FGL1: variants seen among roughly 807,000 people sequenced by gnomAD.
The protein encoded by FGL1 is fibrinogen-like protein 1.
A neutral mutation model predicts 43.7 loss-of-function variants in FGL1; 59 were observed. The observed-to-expected ratio is 1.35, with a 90% CI of 1.10 to 1.68. The LOEUF (loss-of-function observed/expected upper bound fraction) is 1.68. Among genes scored for constraint, FGL1 ranks in the 40% most tolerant of loss-of-function variants. The probability of loss-of-function intolerance (pLI) is 0.00; values close to 1 mark genes in which losing one functional copy is unlikely to be tolerated. For synonymous variants in FGL1, 192 were observed against 126.5 expected, an observed-to-expected ratio of 1.52 and a Z score of -3.48; for missense variants, 596 against 373.0, an observed-to-expected ratio of 1.60 and a Z score of -4.92.
intron 5 of FGL1, 75 bp from the exon 6 acceptor site, chr8:17,869,079 T>G: frequency 1.1e-6 from 1 of 874,668 alleles, no homozygotes; most frequent in Non-Finnish European, 1.8e-6. Context: ...TAAAAATAAT[T>G]CACAGCTCTA....
chr8:17,865,534 T>C (rs1307071627), intron 7 of FGL1, among the ~76,000 whole-genome samples: 1 of 152,142 alleles, frequency 6.6e-6, no homozygotes, highest in East Asian at 1.9e-4. Flanking sequence ...AATAATCATT[T>C]TTTCCTAGTT....
intron 1 of FGL1, among the ~76,000 whole-genome samples, chr8:17,892,119 A>G (rs990885466): frequency 2.0e-5 from 3 of 152,284 alleles, no homozygotes; most frequent in South Asian, 2.1e-4. Flanking sequence ...GTTGCTTTTT[A>G]AATTTGTACC....
chr8:17,885,679 C>G, intron 1 of FGL1, 108 bp from the exon 2 acceptor site: 1 of 833,756 alleles, frequency 1.2e-6, no homozygotes, highest in Non-Finnish European at 1.9e-6. Flanking sequence ...GCAGGCCATC[C>G]CTAATCTTAG....
intron 3 of FGL1, among the ~76,000 whole-genome samples, chr8:17,879,022 T>C (rs2053496977): frequency 9.6e-6 from 1 of 104,256 alleles, no homozygotes. Flanking sequence ...TAAAGAACAA[T>C]TGAACTGTGT....
intron 3 of FGL1, among the ~76,000 whole-genome samples, chr8:17,881,520 G>A (rs1303996034): frequency 6.6e-6 from 1 of 151,098 alleles, no homozygotes; most frequent in East Asian, 2.0e-4. Flanking sequence ...CACATTAAAT[G>A]CCCTGGCAGA....
chr8:17,871,859 T>A (rs1488609832), intron 5 of FGL1, among the ~76,000 whole-genome samples: 1 of 152,200 alleles, frequency 6.6e-6, no homozygotes, highest in East Asian at 1.9e-4. Context: ...GGAACAGGTT[T>A]GTTGGCAAAG....
At chr8:17,872,541 G>T (rs908753065) in intron 5 of FGL1, among the ~76,000 whole-genome samples, 25 of 151,964 alleles carry the variant, frequency 1.6e-4, no homozygotes, top group African/African-American at 6.0e-4. Context: ...GGCCCCAAGG[G>T]GTCCACCCAC....
Position 17,885,521 on chromosome 8 carries a change from T to C in FGL1, c.34A>G (p.Thr12Ala), listed in dbSNP as rs61745168. Residue 12 changes from threonine (T) to alanine (A), a missense_variant, in exon 2 of 8, where the codon ACC (threonine) becomes GCC (alanine). Transcript: ENST00000427924. ...ATTTCCCTGCCCATTGTCAGAGCGG[T>C]GGTAACAAGGATGAAACTGAACACC... ...AKVFSFILVTTALTMGREISA... is the reference protein window; with the variant it reads ...AKVFSFILVTAALTMGREISA... 6.2e-7 allele frequency: 1 copy of C among 1,613,722 alleles called. No homozygotes were observed. Among genetic ancestry groups the C allele is most frequent in the Non-Finnish European group, 8.5e-7 (1 of 1,179,740 alleles).
At chr8:17,888,891 G>C (rs922567292) in intron 1 of FGL1, among the ~76,000 whole-genome samples, 16 of 152,214 alleles carry the variant, frequency 1.1e-4, no homozygotes, top group African/African-American at 3.6e-4. Context: ...AAATTGAATG[G>C]ATTCTAGTCC....
rs1416245747 is a variant in FGL1 at position 17,882,879 on chromosome 8, T to A, written c.64-700A>T. Among the ~76,000 whole-genome samples, 167 of 98,766 alleles carry A rather than the reference T, an allele frequency of 1.7e-3. 2 individuals carry two copies. Among genetic ancestry groups the A allele is most frequent in the African/African-American group, 8.9e-3 (159 of 17,930 alleles). The allele number at this position is 98,766 out of a possible 152,430, so 64.8% of individuals were successfully genotyped here. A position where few individuals can be genotyped will look rare whatever the true frequency, so the allele number is the denominator to read the frequency against. On this transcript the variant is annotated intron_variant, in intron 2 of 7. Coordinates refer to ENST00000427924, the MANE Select transcript of FGL1 (RefSeq NM_004467.4). ...ATCATATATAATATATTAAATAATA[T>A]ATAATATATCTCATATATAATATAT...
intron 6 of FGL1, 45 bp downstream of exon 6, chr8:17,868,871 T>G (rs2053313214): frequency 6.0e-6 from 9 of 1,497,648 alleles, no homozygotes; most frequent in Non-Finnish European, 8.2e-6. Context: ...TATTGCACAT[T>G]TTAAGCATTT....
intron 2 of FGL1, among the ~76,000 whole-genome samples, chr8:17,884,035 TCTC>T (rs1396013545): frequency 4.3e-5 from 6 of 140,602 alleles, no homozygotes; most frequent in Non-Finnish European, 9.2e-5. Context: ...ATGATTTCTT[TCTC>T]CTCTTCTTTT....
intron 5 of FGL1, among the ~76,000 whole-genome samples, chr8:17,870,146 T>C (rs1374678694): frequency 6.6e-6 from 1 of 152,036 alleles, no homozygotes; most frequent in Non-Finnish European, 1.5e-5. Context: ...GAATACAATG[T>C]ATTGGGTACA....
At chr8:17,876,324 T>G (rs778824924) in intron 3 of FGL1, among the ~76,000 whole-genome samples, 4 of 152,058 alleles carry the variant, frequency 2.6e-5, no homozygotes, top group Non-Finnish European at 4.4e-5. Flanking sequence ...ATATTGCACA[T>G]TAAGTAGGTG....
chr8:17,885,666 G>T, intron 1 of FGL1, 95 bp from the exon 2 acceptor site: 2 of 950,056 alleles, frequency 2.1e-6, no homozygotes, highest in Non-Finnish European at 3.2e-6. Context: ...GTCGGATGCA[G>T]CCGCAGGCCA....
intron 5 of FGL1, among the ~76,000 whole-genome samples, chr8:17,869,601 C>T (rs978047054): frequency 6.6e-6 from 1 of 152,112 alleles, no homozygotes; most frequent in African/African-American, 2.4e-5. Flanking sequence ...GATACTGGCT[C>T]ATAAGATCAA....
At chr8:17,866,884 A>G (rs1028987640) in intron 7 of FGL1, among the ~76,000 whole-genome samples, 3 of 152,200 alleles carry the variant, frequency 2.0e-5, no homozygotes, top group Non-Finnish European at 4.4e-5. Flanking sequence ...TAGAAGAACA[A>G]GGGGGAAAGA....
chr8:17,866,391 A>C (rs2053270135), intron 7 of FGL1, among the ~76,000 whole-genome samples: 1 of 152,230 alleles, frequency 6.6e-6, no homozygotes, highest in Non-Finnish European at 1.5e-5. Flanking sequence ...ATGAAGTGCC[A>C]ACATTTCATG....
intron 1 of FGL1, among the ~76,000 whole-genome samples, chr8:17,889,271 T>G (rs2053672612): frequency 6.6e-6 from 1 of 152,308 alleles, no homozygotes; most frequent in South Asian, 2.1e-4. Context: ...GAACTTTGGC[T>G]GGGCGTGGTG....
Sources: gnomAD v4.1 joint callset for allele counts (sites outside exome capture counted in the v4.1 genomes callset) on GRCh38, gnomAD v4.1.1 for gene constraint, MANE v1.5 for transcripts, NCBI Gene and HGNC (gene_info 2026-07-23, HGNC 2026-07-21) for gene names.